The following ETAA1 variants were observed in gnomAD, a reference collection of about 807,000 sequenced individuals.
ETAA1 encodes ETAA1 activator of ATR kinase, also known as ewing's tumor-associated antigen 1.
In ETAA1, 49 loss-of-function variants were observed where a neutral mutation model predicts 76.8. The observed-to-expected ratio is 0.64, with a 90% CI of 0.51 to 0.81. ETAA1 has a LOEUF of 0.81. Among genes scored for constraint, ETAA1 ranks in the 30% least tolerant of loss-of-function variants. ETAA1 has a pLI of 0.00. For synonymous variants in ETAA1, 373 were observed against 372.2 expected (o/e 1.00, Z -0.03); for missense variants, 1,099 against 1,074.0 (o/e 1.02, Z -0.32).
rs968280454 is a variant in ETAA1 at position 67,410,067 on chromosome 2, G to C, written c.*29G>C. On this transcript the variant is annotated 3_prime_UTR_variant, in exon 6 of 6. Transcript: ENST00000272342. ...AATATTAGTTGGAAGACTTCACGAA[G>C]ACTGCTGATAACTATCTGTGATTGA... The C allele has an allele frequency of 6.3e-7, 1 of 1,585,042 alleles. No homozygotes were observed. The highest frequency in any genetic ancestry group is 8.5e-7 in the Non-Finnish European group (1 of 1,169,990).
Position 67,410,160 on chromosome 2 carries a change from T to C in ETAA1, c.*122T>C, listed in dbSNP as rs1676335591. On this transcript the variant is annotated 3_prime_UTR_variant, in exon 6 of 6. Transcript: ENST00000272342. ...CTGACTTTTATAAAGCCTGGACTTCTACTTTATTTAATAAATCAATGTTTG... is the reference window on the plus strand; with the variant it reads ...CTGACTTTTATAAAGCCTGGACTTCCACTTTATTTAATAAATCAATGTTTG... 1.3e-5 allele frequency: 11 copies of C among 846,374 alleles called. No individual in the cohort carries two copies. The highest frequency in any genetic ancestry group is 2.7e-5 in the Admixed American group (1 of 37,016). The allele number at this position is 846,374 out of a possible 1,614,324, so 52.4% of individuals were successfully genotyped here.
chr2:67,406,278 C>T lies in ETAA1; in HGVS notation c.2653+943C>T, dbSNP rs531211262. The stretch of plus-strand genomic sequence containing the variant: ...TTCTTCCTTGTCCAGGAACTTAGAC[C>T]GTGCTCTTCCCTTTGACTAAAACTA... On this transcript the variant is annotated intron_variant, in intron 5 of 5. Coordinates refer to ENST00000272342, the MANE Select transcript of ETAA1 (RefSeq NM_019002.4). 4.6e-5 allele frequency among the ~76,000 whole-genome samples: 7 copies of T among 152,176 alleles called. No homozygotes were observed. In the South Asian group the frequency reaches 8.3e-4, roughly 18 times the overall value.
Position 67,404,369 on chromosome 2 carries a change from A to G in ETAA1, c.1687A>G (p.Ser563Gly). 1 of 1,613,342 alleles carries G rather than the reference A, an allele frequency of 6.2e-7. No individual in the cohort carries two copies. Among genetic ancestry groups the G allele is most frequent in the South Asian group, 1.1e-5 (1 of 91,072 alleles). Residue 563 changes from serine (S) to glycine (G), a missense_variant, in exon 5 of 6, where the codon AGT becomes GGT. Physicochemically the swap from Ser to Gly is moderately conservative, Grantham distance 56. Transcript: ENST00000272342. Reference sequence around the variant, plus strand: ...AAATCTAGGCAGTAAAACCAGTGTTAGTAACCCAAATCAGACTAGTGCATC... The same window carrying G: ...AAATCTAGGCAGTAAAACCAGTGTTGGTAACCCAAATCAGACTAGTGCATC... ...SANLGSKTSV[S>G]NPNQTSASKV...
intron 5 of ETAA1, among the ~76,000 whole-genome samples, chr2:67,406,536 A>T (rs115805423): frequency 0.021 from 3,172 of 152,224 alleles, 36 homozygotes; most frequent in Non-Finnish European, 0.033. Flanking sequence ...GACTTTTTTT[A>T]AAAATTTACA....
At position 67,405,142 on chromosome 2, in the gene ETAA1, G is replaced by C; in HGVS notation, c.2460G>C (p.Lys820Asn). The C allele has an allele frequency of 6.2e-7, 1 of 1,612,538 alleles. No individual in the cohort carries two copies. Residue 820 changes from lysine (K) to asparagine (N), a missense_variant, in exon 5 of 6, where the codon AAG becomes AAC. Lys to Asn is a moderately conservative substitution (Grantham distance 94). Transcript: ENST00000272342. ...SNLNTTVGFS[K>N]FTFTRMKNSQ... The stretch of plus-strand genomic sequence containing the variant: ...TTAACACAACAGTTGGATTTTCAAA[G>C]TTTACATTTACAAGGATGAAAAATT...
intron 1 of ETAA1, among the ~76,000 whole-genome samples, chr2:67,398,915 A>C (rs1327376424): frequency 6.6e-6 from 1 of 152,214 alleles, no homozygotes; most frequent in African/African-American, 2.4e-5. Flanking sequence ...TAGGTTATAC[A>C]GTATTGTATT....
intron 3 of ETAA1, chr2:67,401,566 A>G (rs1676057296): frequency 6.6e-6 from 1 of 151,912 alleles, no homozygotes; most frequent in East Asian, 1.9e-4. Flanking sequence ...AAATCAATAA[A>G]TTATGTAATT....
intron 4 of ETAA1, 109 bp from the exon 5 acceptor site, chr2:67,403,116 A>G (rs1676100841): frequency 8.8e-7 from 1 of 1,135,612 alleles, no homozygotes. Flanking sequence ...TGGAGTTAAA[A>G]TAATTATAAC....
chr2:67,399,052 GA>G (rs1310237135), intron 1 of ETAA1, 116 bp from the exon 2 acceptor site: 55 of 947,478 alleles, frequency 5.8e-5, no homozygotes, highest in Admixed American at 9.1e-5. Context: ...TTATCTCTGG[GA>G]AAAAAAATTA....
chr2:67,399,320 T>A, intron 2 of ETAA1, 23 bp downstream of exon 2: 2 of 1,579,114 alleles, frequency 1.3e-6, no homozygotes, highest in Admixed American at 1.7e-5. Context: ...TAACATTTTT[T>A]ATGTGAGTAA....
chr2:67,403,537 T>G lies in ETAA1; in HGVS notation c.855T>G (p.Ile285Met), dbSNP rs1676115504. 4 of 1,613,402 alleles carry G rather than the reference T, an allele frequency of 2.5e-6. No individual in the cohort carries two copies. The East Asian group carries it at 8.9e-5, about 36-fold the overall frequency. Residue 285 changes from isoleucine to methionine, a missense_variant, in exon 5 of 6, where the codon ATT becomes ATG. Coordinates refer to ENST00000272342, the MANE Select transcript of ETAA1 (RefSeq NM_019002.4). ...DQIAEAAFNA[I>M]FDGSTQKCSG... ...TTGCTGAAGCAGCCTTTAATGCTAT[T>G]TTTGATGGTTCTACTCAGAAATGTA...
At chr2:67,408,507 A>C (rs558581289) in intron 5 of ETAA1, among the ~76,000 whole-genome samples, 1 of 150,966 alleles carries the variant, frequency 6.6e-6, no homozygotes, top group Non-Finnish European at 1.5e-5. Flanking sequence ...AAAGGTTAAC[A>C]TTCTTGCTTT....
chr2:67,404,174 A>T lies in ETAA1; in HGVS notation c.1492A>T (p.Ile498Leu), dbSNP rs762597415. 21 of 1,601,728 alleles carry T rather than the reference A, an allele frequency of 1.3e-5. No individual in the cohort carries two copies. The highest frequency in any genetic ancestry group is 1.8e-5 in the Non-Finnish European group (21 of 1,175,716). Reference sequence around the variant, plus strand: ...TATTCAAGACGAAATTCAAAATTGTATAGTTACATCTAATCTGACAAAAAT... The same window carrying T: ...TATTCAAGACGAAATTCAAAATTGTTTAGTTACATCTAATCTGACAAAAAT... ...IVIQDEIQNC[I>L]VTSNLTKIKE... is the part of the protein sequence containing the mutation. The change falls in exon 5 of 6, where the codon ATA (isoleucine) becomes TTA (leucine). Residue 498 changes from isoleucine (I) to leucine (L), a missense_variant. Ile to Leu is a conservative substitution (Grantham distance 5). This residue lies in a region of ETAA1 where 761 missense variants were observed against 731.9 expected (regional missense o/e 1.04). Transcript: ENST00000272342.
chr2:67,399,824 ATTTTC>A (rs1411178531), intron 3 of ETAA1, among the ~76,000 whole-genome samples, 198 bp downstream of exon 3: 6 of 152,080 alleles, frequency 3.9e-5, no homozygotes, highest in African/African-American at 1.4e-4. Context: ...AATACAAGAT[ATTTTC>A]TTAAGTATAT....
At position 67,404,595 on chromosome 2, in the gene ETAA1, A is replaced by G; in HGVS notation, c.1913A>G (p.Glu638Gly). Residue 638 changes from glutamate (E) to glycine (G), a missense_variant, in exon 5 of 6, where the codon GAG (glutamate) becomes GGG (glycine). By Grantham distance (98) the Glu-to-Gly change is moderately conservative. Around this residue, in one of 3 missense-constraint regions of ETAA1, gnomAD observed 36 missense variants for 64.0 expected, o/e 0.56. Coordinates refer to ENST00000272342, the MANE Select transcript of ETAA1 (RefSeq NM_019002.4). The stretch of plus-strand genomic sequence containing the variant: ...AGTAAGACATCAGAAAGTATATGTG[A>G]GATCAATAATAATTCCGAACATGGA... ...KDSKTSESIC[E>G]INNNSEHGAK... is the part of the protein sequence containing the mutation. 6.2e-7 allele frequency: 1 copy of G among 1,613,492 alleles called. No individual in the cohort carries two copies. The highest frequency in any genetic ancestry group is 8.5e-7 in the Non-Finnish European group (1 of 1,179,574).
rs1190615763 is a variant in ETAA1, at chr2:67,404,819, G to A, written c.2137G>A (p.Asp713Asn). 1 of 1,613,158 alleles carries A rather than the reference G, an allele frequency of 6.2e-7. No individual in the cohort carries two copies. The highest frequency in any genetic ancestry group is 1.3e-5 in the African/African-American group (1 of 74,884). The change falls in exon 5 of 6, where the codon GAT (aspartate) becomes AAT (asparagine). Residue 713 changes from aspartate (D) to asparagine (N), a missense_variant. Asp to Asn is a conservative substitution (Grantham distance 23). Around this residue, in one of 3 missense-constraint regions of ETAA1, gnomAD observed 302 missense variants for 278.1 expected, o/e 1.09. Coordinates refer to ENST00000272342, the MANE Select transcript of ETAA1 (RefSeq NM_019002.4). ...ATCTTTGACAAATAGCTCACAAATA[G>A]ATAAGCCAATGAAGATGGAGAAAGG... ...QTSLTNSSQI[D>N]KPMKMEKGEM... is the part of the protein sequence containing the mutation.
intron 5 of ETAA1, 138 bp downstream of exon 5, chr2:67,405,473 A>G: frequency 1.6e-6 from 1 of 611,010 alleles, no homozygotes; most frequent in East Asian, 2.9e-5. Flanking sequence ...ATTAACTAGA[A>G]TTCTTAAAAT....
chr2:67,404,058 C>T lies in ETAA1; in HGVS notation c.1376C>T (p.Ala459Val), dbSNP rs1251301600. Residue 459 changes from alanine (A) to valine (V), a missense_variant, in exon 5 of 6, where the codon GCA becomes GTA. By Grantham distance (64) the Ala-to-Val change is moderately conservative (BLOSUM62 0). This residue lies in a region of ETAA1 where 761 missense variants were observed against 731.9 expected (regional missense o/e 1.04). Transcript: ENST00000272342. The stretch of plus-strand genomic sequence containing the variant: ...ACATATGACAGAGAATTAATAGATG[C>T]AGAATATAGATTTTCACCAAATTCA... ...SKTYDRELID[A>V]EYRFSPNSNK... 3 of 1,602,548 alleles carry T rather than the reference C, an allele frequency of 1.9e-6. No homozygotes were observed. The highest frequency in any genetic ancestry group is 2.2e-5 in the South Asian group (2 of 89,690).
chr2:67,404,818 A>G lies in ETAA1; in HGVS notation c.2136A>G (p.Ile712Met), dbSNP rs755544765. 6.2e-7 allele frequency: 1 copy of G among 1,613,420 alleles called. No homozygotes were observed. Among genetic ancestry groups the G allele is most frequent in the Admixed American group, 1.7e-5 (1 of 59,908 alleles). ...VQTSLTNSSQ[I>M]DKPMKMEKGE... ...CATCTTTGACAAATAGCTCACAAATAGATAAGCCAATGAAGATGGAGAAAG... is the reference window on the plus strand; with the variant it reads ...CATCTTTGACAAATAGCTCACAAATGGATAAGCCAATGAAGATGGAGAAAG... The change falls in exon 5 of 6, where the codon ATA becomes ATG. Residue 712 changes from isoleucine to methionine, a missense_variant. Ile to Met is a conservative substitution (Grantham distance 10). Around this residue, in one of 3 missense-constraint regions of ETAA1, gnomAD observed 302 missense variants for 278.1 expected, o/e 1.09. Coordinates refer to ENST00000272342, the MANE Select transcript of ETAA1 (RefSeq NM_019002.4).
Sources: gnomAD v4.1 joint callset for allele counts (sites outside exome capture counted in the v4.1 genomes callset) on GRCh38, gnomAD v4.1.1 for gene constraint, gnomAD v4.1.1 regional missense constraint, MANE v1.5 for transcripts, NCBI Gene and HGNC (gene_info 2026-07-23, HGNC 2026-07-21) for gene names.